The following YJU2 variants were observed in gnomAD, a reference collection of about 807,000 sequenced individuals.
YJU2 encodes splicing factor YJU2.
In YJU2, 28 loss-of-function variants were observed where a neutral mutation model predicts 39.6. That is an observed-to-expected ratio of 0.71 (90% CI 0.52 to 0.97). The LOEUF is 0.97. Ranked by LOEUF, YJU2 falls within the 50% of genes least tolerant of loss-of-function variation. The probability of loss-of-function intolerance (pLI) is 0.00; values close to 1 mark genes in which losing one functional copy is unlikely to be tolerated. For synonymous variants in YJU2, 184 were observed against 182.4 expected (o/e 1.01, Z -0.07); for missense variants, 328 against 430.4 (o/e 0.76, Z 2.11).
At chr19:4,263,800 ACT>A (rs1276216342) in intron 6 of YJU2, among the ~76,000 whole-genome samples, 1 of 126,002 alleles carries the variant, frequency 7.9e-6, no homozygotes, top group Non-Finnish European at 1.6e-5. Flanking sequence ...ACAGAGTGAG[ACT>A]CTATCTCAAA....
Position 4,255,827 on chromosome 19 carries a change from C to T in YJU2, c.405+1338C>T, listed in dbSNP as rs187650210. On this transcript the variant is annotated intron_variant, in intron 4 of 7. Coordinates refer to ENST00000262962, the MANE Select transcript of YJU2 (RefSeq NM_018074.6). ...TTCAAGACCAGCTTGGCCAACACGG[C>T]GAAACCCTGTCTCTACTAAAAATAC... is the stretch of plus-strand genomic sequence containing the variant. 2.1e-3 allele frequency among the ~76,000 whole-genome samples: 312 copies of T among 150,938 alleles called. 2 individuals are homozygous for T. The highest frequency in any genetic ancestry group is 7.1e-3 in the African/African-American group (293 of 41,182).
intron 4 of YJU2, among the ~76,000 whole-genome samples, chr19:4,256,881 C>G (rs2144693273): frequency 6.6e-6 from 1 of 152,288 alleles, no homozygotes; most frequent in African/African-American, 2.4e-5. Context: ...AAGGCCTGTG[C>G]TTTTACATCC....
At position 4,247,639 on chromosome 19, in the gene YJU2, GTGTGTGTGTGTGTGT is replaced by G. The variant is rs1970939045; in HGVS notation, c.24+470_24+484del. Among the ~76,000 whole-genome samples the G allele has an allele frequency of 1.6e-3, 105 of 66,692 alleles. 12 individuals are homozygous for G. Among genetic ancestry groups the G allele is most frequent in the Admixed American group, 2.9e-3 (20 of 6,938 alleles). 43.8% of individuals were successfully genotyped at this position (66,692 alleles called of 152,430 possible). On this transcript the variant is annotated intron_variant, in intron 1 of 7. Transcript: ENST00000262962. ...TGTGTGTGTGTGTGTGTGTGTGTGT[GTGTGTGTGTGTGTGT>G]GTGTGTGTGTGTGTGTGTGTGTGTG...
intron 1 of YJU2, among the ~76,000 whole-genome samples, chr19:4,247,650 T>TG (rs1568359673): frequency 2.7e-4 from 15 of 55,170 alleles, no homozygotes; most frequent in African/African-American, 3.6e-4. Context: ...TGTGTGTGTG[T>TG]GTGTGTGTGT....
At chr19:4,247,580 C>CGTGT (rs202183584) in intron 1 of YJU2, among the ~76,000 whole-genome samples, 3 of 46,236 alleles carry the variant, frequency 6.5e-5, no homozygotes, top group South Asian at 8.3e-4. Context: ...GGTGGGGTGG[C>CGTGT]GCGTGTGTGT....
Position 4,268,721 on chromosome 19 carries a change from G to GT in YJU2, c.*26dup. 6.5e-7 allele frequency: 1 copy of GT among 1,538,396 alleles called. No homozygotes were observed. The highest frequency in any genetic ancestry group is 9.0e-7 in the Non-Finnish European group (1 of 1,115,916). ...AGCCCTCCCAGGACCCCCTCACGGGGTCAAAGTCACACGTCCAGCTTCAGC... is the reference window on the plus strand; with the variant it reads ...AGCCCTCCCAGGACCCCCTCACGGGGTTCAAAGTCACACGTCCAGCTTCAGC... On this transcript the variant is annotated 3_prime_UTR_variant, in exon 8 of 8. Coordinates refer to ENST00000262962, the MANE Select transcript of YJU2 (RefSeq NM_018074.6).
At chr19:4,249,120 G>A in intron 1 of YJU2, 108 bp from the exon 2 acceptor site, 1 of 674,074 alleles carries the variant, frequency 1.5e-6, no homozygotes, top group Non-Finnish European at 2.6e-6. Context: ...CGGAACCTGG[G>A]GTGGGCTTGG....
At chr19:4,251,630 A>T (rs1970977401) in intron 3 of YJU2, among the ~76,000 whole-genome samples, 1 of 150,310 alleles carries the variant, frequency 6.7e-6, no homozygotes, top group South Asian at 2.1e-4. Flanking sequence ...GGTTGCAGTG[A>T]GCGAAGATTG....
intron 4 of YJU2, 60 bp from the exon 5 acceptor site, chr19:4,258,182 C>T (rs1435745033): frequency 6.6e-7 from 1 of 1,525,466 alleles, no homozygotes; most frequent in African/African-American, 1.4e-5. Context: ...CGAGGCCAGA[C>T]AGGGTTTGCC....
chr19:4,247,573 GGGGTGGCGCGTGTGT>G (rs1970931277), intron 1 of YJU2, among the ~76,000 whole-genome samples: 1 of 87,680 alleles, frequency 1.1e-5, no homozygotes, highest in African/African-American at 9.7e-5. Flanking sequence ...GGGGTGGGGT[GGGGTGGCGCGTGTGT>G]GTGTGTGTGT....
intron 6 of YJU2, among the ~76,000 whole-genome samples, chr19:4,267,023 G>C (rs989282041): frequency 3.9e-5 from 6 of 152,122 alleles, no homozygotes; most frequent in African/African-American, 7.2e-5. Context: ...CAGTTAAGGA[G>C]CTGGAGGCCT....
rs1028526494 is a variant in YJU2, at chr19:4,247,236, G to T, written c.24+66G>T. The T allele has an allele frequency of 8.5e-6, 12 of 1,407,760 alleles. No homozygotes were observed. In the African/African-American group the frequency reaches 1.7e-4, roughly 20 times the overall value. 87.2% of individuals were successfully genotyped at this position (1,407,760 alleles called of 1,614,324 possible). A position where few individuals can be genotyped will look rare whatever the true frequency, so the allele number is the denominator to read the frequency against. On this transcript the variant is annotated intron_variant, in intron 1 of 7. Transcript: ENST00000262962. Reference sequence around the variant, plus strand: ...CATCCCGGAACTCCGGGAGAGGGAGGAGCTTCCTGAGATCTCTTCTTTGGA... The same window carrying T: ...CATCCCGGAACTCCGGGAGAGGGAGTAGCTTCCTGAGATCTCTTCTTTGGA...
chr19:4,264,291 C>T (rs1053565828), intron 6 of YJU2, among the ~76,000 whole-genome samples: 5 of 117,436 alleles, frequency 4.3e-5, no homozygotes, highest in Non-Finnish European at 8.7e-5. Context: ...AAAAAAGAAA[C>T]GATTGTTCTT....
intron 4 of YJU2, among the ~76,000 whole-genome samples, chr19:4,255,506 G>A (rs1048240660): frequency 6.6e-6 from 1 of 151,866 alleles, no homozygotes; most frequent in Non-Finnish European, 1.5e-5. Context: ...AAGGCAGGTG[G>A]ATCACAAGGT....
chr19:4,250,141 G>T (rs1970963854), intron 2 of YJU2, among the ~76,000 whole-genome samples: 1 of 152,072 alleles, frequency 6.6e-6, no homozygotes, highest in African/African-American at 2.4e-5. Context: ...CAGAATTACT[G>T]TATTTCACCA....
intron 3 of YJU2, among the ~76,000 whole-genome samples, chr19:4,252,472 C>T (rs187246256): frequency 1.3e-5 from 2 of 151,790 alleles, no homozygotes; most frequent in Non-Finnish European, 1.5e-5. Context: ...GGCGTGGTGG[C>T]GGGTGCCTGT....
chr19:4,252,055 A>G (rs985583211), intron 3 of YJU2, among the ~76,000 whole-genome samples: 1 of 152,134 alleles, frequency 6.6e-6, no homozygotes, highest in Non-Finnish European at 1.5e-5. Context: ...TTTGACTTTT[A>G]TTTGTTACCT....
In YJU2 at chr19:4,256,398, T is replaced by C. The variant is rs936654378; in HGVS notation, c.406-1844T>C. Among the ~76,000 whole-genome samples, 5 of 151,884 alleles carry C rather than the reference T, an allele frequency of 3.3e-5. No homozygotes were observed. The Admixed American group carries it at 3.3e-4, about 10-fold the overall frequency. ...ATCAGACCAGATACAACATTTTCCA[T>C]GGCCATGCAGAGCAACAGGGAGGGA... On this transcript the variant is annotated intron_variant, in intron 4 of 7. Coordinates refer to ENST00000262962, the MANE Select transcript of YJU2 (RefSeq NM_018074.6).
intron 6 of YJU2, among the ~76,000 whole-genome samples, chr19:4,265,591 G>A (rs936459925): frequency 6.7e-6 from 1 of 148,508 alleles, no homozygotes; most frequent in Admixed American, 6.7e-5. Flanking sequence ...AACTAACCTA[G>A]GTAACTTTTT....
Sources: allele counts gnomAD v4.1 joint callset (sites outside exome capture counted in the v4.1 genomes callset), GRCh38; gene constraint gnomAD v4.1.1; transcripts MANE v1.5; gene names NCBI Gene and HGNC (gene_info 2026-07-23, HGNC 2026-07-21).